The following ROBO1 variants were observed in gnomAD, a reference collection of about 807,000 sequenced individuals.
ROBO1 encodes the protein roundabout guidance receptor 1.
A neutral mutation model predicts 195.9 loss-of-function variants in ROBO1; 149 were observed. That is an observed-to-expected ratio of 0.76 (90% CI 0.67 to 0.87). The LOEUF is 0.87. Among genes scored for constraint, ROBO1 ranks in the 40% least tolerant of loss-of-function variants. The pLI is 0.00. For synonymous variants in ROBO1, 816 were observed against 733.2 expected, an observed-to-expected ratio of 1.11 and a Z score of -1.82; for missense variants, 1,933 against 2,068.3, an observed-to-expected ratio of 0.93 and a Z score of 1.27.
intron 2 of ROBO1, among the ~76,000 whole-genome samples, chr3:79,416,438 T>TAA (rs550048639): frequency 0.012 from 1,607 of 134,820 alleles, 31 homozygotes; most frequent in African/African-American, 0.041. Context: ...ACCCCATCTC[T>TAA]AAAAAAAAAA....
intron 2 of ROBO1, among the ~76,000 whole-genome samples, chr3:79,553,993 T>C (rs1467674736): frequency 6.6e-6 from 1 of 152,076 alleles, no homozygotes; most frequent in Non-Finnish European, 1.5e-5. Flanking sequence ...TGATGGGAGA[T>C]AAATTAATAC....
At chr3:79,186,000 T>C (rs1322279788) in intron 2 of ROBO1, among the ~76,000 whole-genome samples, 2 of 152,120 alleles carry the variant, frequency 1.3e-5, no homozygotes, top group Non-Finnish European at 2.9e-5. Context: ...ACCTGGAGTC[T>C]TGAAGTGTTT....
At chr3:78,814,432 G>A (rs1318138666) in intron 4 of ROBO1, among the ~76,000 whole-genome samples, 1 of 151,914 alleles carries the variant, frequency 6.6e-6, no homozygotes, top group Admixed American at 6.6e-5. Context: ...TATAGCACAT[G>A]TCAATCCACA....
At chr3:79,463,288 T>C (rs1937755476) in intron 2 of ROBO1, among the ~76,000 whole-genome samples, 1 of 151,370 alleles carries the variant, frequency 6.6e-6, no homozygotes, top group Non-Finnish European at 1.5e-5. Flanking sequence ...GGCAGGAGAA[T>C]GGCGTGAACC....
At chr3:78,702,538 A>G (rs79335990) in intron 8 of ROBO1, among the ~76,000 whole-genome samples, 153 of 152,334 alleles carry the variant, frequency 1.0e-3, no homozygotes, top group African/African-American at 3.7e-3. Context: ...CCAAGTCTTA[A>G]AAGTATGTGA....
At chr3:79,017,571 C>T (rs2077981092) in intron 3 of ROBO1, among the ~76,000 whole-genome samples, 1 of 151,764 alleles carries the variant, frequency 6.6e-6, no homozygotes, top group Non-Finnish European at 1.5e-5. Flanking sequence ...AGTCGTGGCT[C>T]AGTTCACCCA....
intron 4 of ROBO1, among the ~76,000 whole-genome samples, chr3:78,778,464 T>G (rs1389985653): frequency 6.6e-6 from 1 of 152,154 alleles, no homozygotes; most frequent in East Asian, 1.9e-4. Context: ...CAAGCATTCC[T>G]ATACACCAGT....
chr3:79,677,322 T>G (rs902508004), intron 1 of ROBO1, among the ~76,000 whole-genome samples: 1 of 151,992 alleles, frequency 6.6e-6, no homozygotes, highest in Non-Finnish European at 1.5e-5. Flanking sequence ...GATAAAGAGA[T>G]AGCTGAGACT....
chr3:79,055,297 G>T (rs796139193), intron 3 of ROBO1, among the ~76,000 whole-genome samples: 44 of 152,214 alleles, frequency 2.9e-4, no homozygotes, highest in African/African-American at 1.1e-3. Flanking sequence ...GATAAGACAC[G>T]TGGCCCTGGG....
chr3:78,773,963 TTAA>T (rs1304436758), intron 4 of ROBO1, among the ~76,000 whole-genome samples: 1 of 152,244 alleles, frequency 6.6e-6, no homozygotes, highest in African/African-American at 2.4e-5. Context: ...AGTAAGGAGC[TTAA>T]TAGATACTTT....
At chr3:78,830,510 G>C (rs1041694003) in intron 4 of ROBO1, among the ~76,000 whole-genome samples, 2 of 152,174 alleles carry the variant, frequency 1.3e-5, no homozygotes, top group African/African-American at 4.8e-5. Context: ...AATCACGACA[G>C]AAAGGGAAGC....
At chr3:79,760,512 A>AAC (rs1704641470) in intron 1 of ROBO1, among the ~76,000 whole-genome samples, 1 of 150,068 alleles carries the variant, frequency 6.7e-6, no homozygotes. Flanking sequence ...AAAAAAAAAA[A>AAC]ATAGAATCCA....
chr3:79,557,553 G>A (rs1041524930), intron 2 of ROBO1, among the ~76,000 whole-genome samples: 4 of 151,446 alleles, frequency 2.6e-5, no homozygotes, highest in Non-Finnish European at 5.9e-5. Context: ...GGCCAACAAG[G>A]CGAAACCCTG....
At chr3:78,880,211 C>T (rs1025274475) in intron 4 of ROBO1, among the ~76,000 whole-genome samples, 1 of 151,926 alleles carries the variant, frequency 6.6e-6, no homozygotes, top group African/African-American at 2.4e-5. Flanking sequence ...CTTTAAAGAC[C>T]ATGTAATTTA....
rs555001479 is a variant in ROBO1 at position 78,815,004 on chromosome 3, T to A, written c.500-68104A>T. On this transcript the variant is annotated intron_variant, in intron 4 of 30. Transcript: ENST00000464233. ...TGTTCTTTGATGTAACTATTGTAAT[T>A]GTTTTGGGATGTGACGAATCACAAC... Among the ~76,000 whole-genome samples, 9 of 152,226 alleles carry A rather than the reference T, an allele frequency of 5.9e-5. No individual in the cohort carries two copies. The South Asian group carries it at 1.9e-3, about 32-fold the overall frequency.
rs111798146 is a variant in ROBO1 at position 78,611,526 on chromosome 3, G to A, written c.4435+3122C>T. 9.9e-3 allele frequency among the ~76,000 whole-genome samples: 1,514 copies of A among 152,234 alleles called. 25 individuals carry two copies. The highest frequency in any genetic ancestry group is 0.034 in the African/African-American group (1,401 of 41,528). The stretch of plus-strand genomic sequence containing the variant: ...TGGAATAAATAAATCATTAGATACC[G>A]CCTGTCAGTGTGACTGTAGCATGCA... On this transcript the variant is annotated intron_variant, in intron 28 of 30. Coordinates refer to ENST00000464233, the MANE Select transcript of ROBO1 (RefSeq NM_002941.4).
chr3:79,273,375 A>G (rs1369236815), intron 2 of ROBO1, among the ~76,000 whole-genome samples: 1 of 152,070 alleles, frequency 6.6e-6, no homozygotes, highest in Non-Finnish European at 1.5e-5. Context: ...ATGATGTTAG[A>G]CTATAGAATT....
chr3:79,059,691 T>C (rs1046803507), intron 3 of ROBO1, among the ~76,000 whole-genome samples: 1 of 152,060 alleles, frequency 6.6e-6, no homozygotes, highest in East Asian at 1.9e-4. Context: ...TCCATGGACA[T>C]TGATCACTTC....
rs529592810 is a variant in ROBO1 at position 79,086,030 on chromosome 3, C to T, written c.172+39426G>A. On this transcript the variant is annotated intron_variant, in intron 3 of 30. Transcript: ENST00000464233. ...AGAGCCTATTAACGGCCAGCTAATG[C>T]GATAGACATTGAAAGTAAAAAGATC... 1.9e-4 allele frequency among the ~76,000 whole-genome samples: 29 copies of T among 151,558 alleles called. 1 individual carries two copies. In the South Asian group the frequency reaches 5.8e-3, roughly 30 times the overall value.
Sources: allele counts gnomAD v4.1 joint callset (sites outside exome capture counted in the v4.1 genomes callset), GRCh38; gene constraint gnomAD v4.1.1; transcripts MANE v1.5; gene names NCBI Gene and HGNC (gene_info 2026-07-23, HGNC 2026-07-21).